Variants in METTL2A observed in about 807,000 individuals in gnomAD.
METTL2A encodes the protein tRNA N(3)-cytidine methyltransferase METTL2A.
A neutral mutation model predicts 49.4 loss-of-function variants in METTL2A; 45 were observed. That is an observed-to-expected ratio of 0.91 (90% CI 0.72 to 1.17). The LOEUF (loss-of-function observed/expected upper bound fraction) is 1.17, where lower values mean the gene tolerates loss of function less well. METTL2A is among the 50% of genes most tolerant of loss of function. The pLI is 0.00. For synonymous variants in METTL2A, 118 were observed against 167.5 expected (o/e 0.70, Z 2.28); for missense variants, 361 against 462.2 (o/e 0.78, Z 2.01).
chr17:62,439,608 T>C (rs1461884283), intron 5 of METTL2A, among the ~76,000 whole-genome samples: 1 of 150,930 alleles, frequency 6.6e-6, no homozygotes, highest in Non-Finnish European at 1.5e-5. Flanking sequence ...TAATTTTTTG[T>C]ATTTTTAGTG....
At chr17:62,438,647 T>C (rs28619144) in intron 5 of METTL2A, among the ~76,000 whole-genome samples, 2,089 of 151,732 alleles carry the variant, frequency 0.014, 37 homozygotes, top group African/African-American at 0.047. Context: ...GAATTGGTAG[T>C]GCCATGCTTT....
In METTL2A at chr17:62,448,679, G is replaced by A. The variant is rs757244545; in HGVS notation, c.1087G>A (p.Val363Ile). The A allele has an allele frequency of 2.5e-6, 4 of 1,614,058 alleles. No homozygotes were observed. The highest frequency in any genetic ancestry group is 3.3e-5 in the Admixed American group (2 of 59,974). ...NRGKQLTMYR[V>I]WIQCKYCKPL... is the part of the protein sequence containing the mutation. The stretch of plus-strand genomic sequence containing the variant: ...AGGAAAGCAACTGACAATGTACCGG[G>A]TTTGGATTCAGTGCAAATACTGCAA... The change falls in exon 9 of 9, where the codon GTT becomes ATT. Residue 363 changes from valine (V) to isoleucine (I), a missense_variant. Val to Ile is a conservative substitution (Grantham distance 29). This residue lies in a region of METTL2A where 183 missense variants were observed against 216.5 expected (regional missense o/e 0.85). Coordinates refer to ENST00000311506, the MANE Select transcript of METTL2A (RefSeq NM_181725.4).
At chr17:62,438,422 A>T (rs2070715506) in intron 5 of METTL2A, among the ~76,000 whole-genome samples, 1 of 151,436 alleles carries the variant, frequency 6.6e-6, no homozygotes, top group African/African-American at 2.4e-5. Context: ...AAAAAAAAAA[A>T]AATACAAAAA....
chr17:62,447,034 C>T (rs1466207113), intron 7 of METTL2A, among the ~76,000 whole-genome samples: 1 of 152,120 alleles, frequency 6.6e-6, no homozygotes, highest in African/African-American at 2.4e-5. Context: ...ATTCTGTAGA[C>T]ATGTGAAGAG....
intron 2 of METTL2A, among the ~76,000 whole-genome samples, chr17:62,425,444 T>TGG (rs2070617628): frequency 7.0e-6 from 1 of 142,762 alleles, no homozygotes; most frequent in South Asian, 2.3e-4. Flanking sequence ...TGGAGTGCAG[T>TGG]GGCACGATCT....
At chr17:62,426,238 A>G in intron 2 of METTL2A, 61 bp from the exon 3 acceptor site, 1 of 1,464,754 alleles carries the variant, frequency 6.8e-7, no homozygotes, top group East Asian at 2.4e-5. Flanking sequence ...GATAATTGAT[A>G]TTAGATATAA....
chr17:62,438,321 C>T (rs1394189605), intron 5 of METTL2A, among the ~76,000 whole-genome samples: 22 of 150,672 alleles, frequency 1.5e-4, no homozygotes, highest in Non-Finnish European at 2.5e-4. Flanking sequence ...GCAGGAGAAT[C>T]GCTTGAATCT....
chr17:62,425,599 A>G (rs1424123041), intron 2 of METTL2A, among the ~76,000 whole-genome samples: 2 of 145,710 alleles, frequency 1.4e-5, no homozygotes, highest in Non-Finnish European at 3.0e-5. Context: ...GCTGGCCAGG[A>G]TGGTCTCGAT....
At chr17:62,439,931 C>G (rs2144149632) in intron 5 of METTL2A, among the ~76,000 whole-genome samples, 1 of 152,096 alleles carries the variant, frequency 6.6e-6, no homozygotes, top group East Asian at 1.9e-4. Flanking sequence ...TGTCTCCCTT[C>G]AATTATTCCT....
Position 62,449,542 on chromosome 17 carries a change from C to T in METTL2A, c.*813C>T. On this transcript the variant is annotated 3_prime_UTR_variant, in exon 9 of 9. Coordinates refer to ENST00000311506, the MANE Select transcript of METTL2A (RefSeq NM_181725.4). ...CGTGGCCAACATGGTGAAACCCCGT[C>T]TCTACTAAAGATAAAAAAATTAGCT... The T allele has an allele frequency of 2.8e-6, 1 of 355,366 alleles. No individual in the cohort carries two copies. The highest frequency in any genetic ancestry group is 9.9e-4 in the Middle Eastern group (1 of 1,012). The allele number at this position is 355,366 out of a possible 1,614,324, so 22.0% of individuals were successfully genotyped here.
intron 5 of METTL2A, among the ~76,000 whole-genome samples, chr17:62,439,269 G>A (rs145680576): frequency 0.034 from 5,092 of 150,588 alleles, 294 homozygotes; most frequent in African/African-American, 0.12. Context: ...GCATGCACCC[G>A]GCATTTTTTT....
intron 7 of METTL2A, among the ~76,000 whole-genome samples, chr17:62,445,927 C>G (rs1292828732): frequency 1.3e-5 from 2 of 152,026 alleles, no homozygotes; most frequent in Non-Finnish European, 2.9e-5. Flanking sequence ...TAGATAAAGA[C>G]TTAATATCTT....
At chr17:62,424,090 A>G (rs1043641247) in intron 1 of METTL2A, 78 bp downstream of exon 1, 21 of 1,581,570 alleles carry the variant, frequency 1.3e-5, no homozygotes, top group African/African-American at 1.1e-4. Context: ...AAAGCCCCTG[A>G]CCGCCGGCCA....
intron 4 of METTL2A, among the ~76,000 whole-genome samples, chr17:62,429,436 G>T (rs3852337): frequency 0.095 from 14,385 of 151,706 alleles, 1,804 homozygotes; most frequent in East Asian, 0.45. Context: ...GATTAAGGGT[G>T]CATGCCACCA....
chr17:62,445,521 G>A (rs1427978244), intron 7 of METTL2A, among the ~76,000 whole-genome samples: 3 of 152,198 alleles, frequency 2.0e-5, no homozygotes, highest in African/African-American at 7.2e-5. Context: ...AAAGACAGCC[G>A]GGCGCAGTGG....
chr17:62,441,055 C>G (rs1212580597), intron 6 of METTL2A, among the ~76,000 whole-genome samples: 1 of 152,200 alleles, frequency 6.6e-6, no homozygotes, highest in Non-Finnish European at 1.5e-5. Flanking sequence ...ATCCTCCCAC[C>G]TTGGCCTCCC....
At chr17:62,432,108 C>T (rs1201914195) in intron 4 of METTL2A, among the ~76,000 whole-genome samples, 2 of 152,122 alleles carry the variant, frequency 1.3e-5, no homozygotes, top group Non-Finnish European at 2.9e-5. Context: ...AAAAAGAAGC[C>T]CTATACCCAT....
chr17:62,439,387 G>A (rs1409712970), intron 5 of METTL2A, among the ~76,000 whole-genome samples: 2 of 152,068 alleles, frequency 1.3e-5, no homozygotes, highest in Admixed American at 6.5e-5. Context: ...TTCTAGGCGT[G>A]AGCCACCGTG....
intron 4 of METTL2A, among the ~76,000 whole-genome samples, chr17:62,433,321 C>G (rs1304453479): frequency 6.6e-6 from 1 of 151,974 alleles, no homozygotes; most frequent in Non-Finnish European, 1.5e-5. Flanking sequence ...GTAATCCCAG[C>G]TACTCAGGAA....
Sources: gnomAD v4.1 joint callset for allele counts (sites outside exome capture counted in the v4.1 genomes callset) on GRCh38, gnomAD v4.1.1 for gene constraint, gnomAD v4.1.1 regional missense constraint, MANE v1.5 for transcripts, NCBI Gene and HGNC (gene_info 2026-07-23, HGNC 2026-07-21) for gene names.